Variants in SLC6A13 observed in about 807,000 individuals in gnomAD.
The protein encoded by SLC6A13 is sodium- and chloride-dependent GABA transporter 2.
SLC6A13 carries 69 observed loss-of-function variants against 72.9 expected under a neutral mutation model. That is an observed-to-expected ratio of 0.95 (90% CI 0.78 to 1.16). SLC6A13 has a LOEUF of 1.16. SLC6A13 is among the 50% of genes most tolerant of loss of function. The probability of loss-of-function intolerance (pLI) is 0.00; values close to 1 mark genes in which losing one functional copy is unlikely to be tolerated. For synonymous variants in SLC6A13, 303 were observed against 303.0 expected, an observed-to-expected ratio of 1.00 and a Z score of 0.00; for missense variants, 735 against 760.5, an observed-to-expected ratio of 0.97 and a Z score of 0.39.
chr12:260,151 G>T, intron 1 of SLC6A13, 94 bp from the exon 2 acceptor site: 1 of 1,337,246 alleles, frequency 7.5e-7, no homozygotes, highest in Non-Finnish European at 1.0e-6. Flanking sequence ...GGGAATGAAT[G>T]CACTGGAAGA....
At chr12:239,107 G>A (rs1942055058) in intron 4 of SLC6A13, among the ~76,000 whole-genome samples, 1 of 126,216 alleles carries the variant, frequency 7.9e-6, no homozygotes, top group Non-Finnish European at 1.8e-5. Context: ...CGTGGGGTGT[G>A]TTGGATCCAT....
intron 7 of SLC6A13, among the ~76,000 whole-genome samples, chr12:229,699 C>T (rs1021957444): frequency 2.6e-5 from 4 of 152,326 alleles, no homozygotes; most frequent in Non-Finnish European, 5.9e-5. Flanking sequence ...GTCCTCGCGC[C>T]TTGGACATTT....
chr12:258,592 C>A (rs142164897), intron 2 of SLC6A13, among the ~76,000 whole-genome samples: 1 of 152,186 alleles, frequency 6.6e-6, no homozygotes, highest in Non-Finnish European at 1.5e-5. Flanking sequence ...ATCCTACAAG[C>A]TTTACCCATA....
chr12:248,024 C>CA (rs528821731), intron 2 of SLC6A13, among the ~76,000 whole-genome samples: 110 of 147,392 alleles, frequency 7.5e-4, no homozygotes, highest in African/African-American at 2.0e-3. Context: ...TCAATTATTC[C>CA]AAAAAAAAAG....
chr12:250,865 G>A (rs1458900098), intron 2 of SLC6A13, among the ~76,000 whole-genome samples: 1 of 86,186 alleles, frequency 1.2e-5, no homozygotes, highest in Non-Finnish European at 2.5e-5. Flanking sequence ...TAAAAACAGG[G>A]CCTGGCGCAG....
At chr12:221,336 C>A in intron 14 of SLC6A13, 40 bp downstream of exon 14, 1 of 1,542,644 alleles carries the variant, frequency 6.5e-7, no homozygotes, top group Non-Finnish European at 8.7e-7. Flanking sequence ...GCGAAGCCTC[C>A]CAGCCCCTCT....
chr12:232,026 T>C (rs753449143), intron 7 of SLC6A13, among the ~76,000 whole-genome samples: 2 of 152,224 alleles, frequency 1.3e-5, no homozygotes, highest in Non-Finnish European at 2.9e-5. Flanking sequence ...CTCTAGGCCT[T>C]AATGTCCTAA....
At chr12:244,357 T>C (rs146043250) in intron 2 of SLC6A13, among the ~76,000 whole-genome samples, 33 of 152,300 alleles carry the variant, frequency 2.2e-4, no homozygotes, top group African/African-American at 7.5e-4. Context: ...CCCTCATGAA[T>C]GGATTAATGT....
Position 235,113 on chromosome 12 carries a change from G to T in SLC6A13, c.808C>A (p.Leu270Ile). The T allele has an allele frequency of 1.9e-6, 3 of 1,614,226 alleles. No homozygotes were observed. Among genetic ancestry groups the T allele is most frequent in the Non-Finnish European group, 2.5e-6 (3 of 1,180,022 alleles). Reference protein sequence around the residue: ...QGIQFYLYPNLTRLWDPQVWM... With the variant: ...QGIQFYLYPNITRLWDPQVWM... ...ACCTGGGGATCCCACAGACGCGTGA[G>T]GTTTGGGTACAGGTAAAACTGAATT... The change falls in exon 7 of 15, where the codon CTC becomes ATC. Residue 270 changes from leucine (L) to isoleucine (I), a missense_variant. By Grantham distance (5) the Leu-to-Ile change is conservative. Transcript: ENST00000343164.
At chr12:235,293 A>G (rs1313108791) in intron 6 of SLC6A13, 69 bp from the exon 7 acceptor site, 3 of 1,545,172 alleles carry the variant, frequency 1.9e-6, no homozygotes, top group East Asian at 4.5e-5. Flanking sequence ...AGGCAGGGGC[A>G]GGAGGCAGGG....
chr12:251,242 T>C (rs1298641944), intron 2 of SLC6A13, among the ~76,000 whole-genome samples: 2 of 151,560 alleles, frequency 1.3e-5, no homozygotes, highest in South Asian at 2.1e-4. Context: ...TCAAGCACAG[T>C]AATGAACACA....
chr12:233,477 G>C (rs925938527), intron 7 of SLC6A13, among the ~76,000 whole-genome samples: 1 of 152,236 alleles, frequency 6.6e-6, no homozygotes, highest in African/African-American at 2.4e-5. Flanking sequence ...AAGGAAGGGT[G>C]GGGAGGAGAC....
Position 242,760 on chromosome 12 carries a change from G to T in SLC6A13, c.338-6C>A. ...CTGGGAGGCATAGCCAATGCCTGCG[G>T]GGAAACTGCAGAATTGGGCTAGGAA... is the stretch of plus-strand genomic sequence containing the variant. On this transcript the variant is annotated splice_region_variant and splice_polypyrimidine_tract_variant and intron_variant, in intron 3 of 14. Coordinates refer to ENST00000343164, the MANE Select transcript of SLC6A13 (RefSeq NM_016615.5). The T allele has an allele frequency of 6.4e-7, 1 of 1,574,350 alleles. No individual in the cohort carries two copies. The highest frequency in any genetic ancestry group is 8.6e-7 in the Non-Finnish European group (1 of 1,159,152).
chr12:227,405 C>T (rs1236395016), intron 8 of SLC6A13, 160 bp downstream of exon 8: 4 of 831,104 alleles, frequency 4.8e-6, no homozygotes, highest in Admixed American at 6.2e-5. Flanking sequence ...GCAGTTGGCT[C>T]CTTGCAGCTC....
At chr12:230,438 T>C (rs562424681) in intron 7 of SLC6A13, among the ~76,000 whole-genome samples, 1 of 152,180 alleles carries the variant, frequency 6.6e-6, no homozygotes, top group East Asian at 1.9e-4. Context: ...TTCCTGACCT[T>C]ATTAATTACT....
At position 243,794 on chromosome 12, in the gene SLC6A13, G is replaced by A. The variant is rs1942254250; in HGVS notation, c.222C>T (p.Tyr74=). The stretch of plus-strand genomic sequence containing the variant: ...TGCCACAGGTAAAGAGGAAGACGAG[G>A]TAGGGGATGAAGAAGGCACCTGTGG... ...KNGGGAFFIP[Y]LVFLFTCGIP... Residue 74 remains tyrosine, a synonymous_variant, in exon 3 of 15, where the codon TAC becomes TAT. Coordinates refer to ENST00000343164, the MANE Select transcript of SLC6A13 (RefSeq NM_016615.5). 1 of 1,614,088 alleles carries A rather than the reference G, an allele frequency of 6.2e-7. No homozygotes were observed. Among genetic ancestry groups the A allele is most frequent in the East Asian group, 2.2e-5 (1 of 44,886 alleles).
At position 253,148 on chromosome 12, in the gene SLC6A13, G is replaced by A. The variant is rs116583760; in HGVS notation, c.202+6703C>T. Among the ~76,000 whole-genome samples the A allele has an allele frequency of 1.0e-3, 157 of 152,318 alleles. 1 individual carries two copies. Among genetic ancestry groups the A allele is most frequent in the Admixed American group, 3.3e-3 (50 of 15,304 alleles). ...TCTAAAATGTGCTGGCATTTTCTCC[G>A]TGAGATAGGAGAGACCATATCCCCG... On this transcript the variant is annotated intron_variant, in intron 2 of 14. Coordinates refer to ENST00000343164, the MANE Select transcript of SLC6A13 (RefSeq NM_016615.5).
chr12:245,289 G>A lies in SLC6A13; in HGVS notation c.203-1476C>T, dbSNP rs1017750725. Among the ~76,000 whole-genome samples the A allele has an allele frequency of 4.6e-5, 7 of 152,164 alleles. 1 individual carries two copies. Among genetic ancestry groups the A allele is most frequent in the South Asian group, 4.1e-4 (2 of 4,822 alleles). ...AACGGGGAATAATTATCCCTAGACC[G>A]AGCACACTTCTATTGCTACCTAACC... On this transcript the variant is annotated intron_variant, in intron 2 of 14. Coordinates refer to ENST00000343164, the MANE Select transcript of SLC6A13 (RefSeq NM_016615.5).
In SLC6A13 at chr12:221,498, T is replaced by C. The variant is rs1247681387; in HGVS notation, c.1564A>G (p.Lys522Glu). ...LIKYTPLTYN[K>E]KYTYPWWGDA... Reference sequence around the variant, plus strand: ...CCCCACCACGGGTACGTGTACTTCTTGTTGTAGGTCAGCGGAGTGTACTTT... The same window carrying C: ...CCCCACCACGGGTACGTGTACTTCTCGTTGTAGGTCAGCGGAGTGTACTTT... Residue 522 changes from lysine to glutamate, a missense_variant, in exon 14 of 15, where the codon AAG becomes GAG. By Grantham distance (56) the Lys-to-Glu change is moderately conservative (BLOSUM62 1). Transcript: ENST00000343164. The C allele has an allele frequency of 3.1e-6, 5 of 1,613,066 alleles. No homozygotes were observed. The highest frequency in any genetic ancestry group is 4.5e-5 in the East Asian group (2 of 44,838).
Sources: gnomAD v4.1 joint callset for allele counts (sites outside exome capture counted in the v4.1 genomes callset) on GRCh38, gnomAD v4.1.1 for gene constraint, MANE v1.5 for transcripts, NCBI Gene and HGNC (gene_info 2026-07-23, HGNC 2026-07-21) for gene names.